Variants in TANGO6 observed in about 807,000 individuals in gnomAD.
TANGO6 encodes the protein transport and golgi organization 6 homolog, also known as transport and Golgi organization protein 6 homolog.
Under a neutral mutation model 114.2 loss-of-function variants are expected in TANGO6, and 90 were observed. The ratio of observed to expected loss-of-function variants is 0.79; its 90% CI spans 0.66 to 0.94. The LOEUF (loss-of-function observed/expected upper bound fraction) is 0.94, where lower values mean the gene tolerates loss of function less well. TANGO6 is among the 40% of genes least tolerant of loss of function. The pLI is 0.00. For missense variants in TANGO6, 1,274 were observed against 1,315.3 expected (o/e 0.97, Z 0.49); for synonymous variants, 477 against 509.8 (o/e 0.94, Z 0.87).
chr16:69,071,762 A>G (rs569154189), intron 17 of TANGO6, among the ~76,000 whole-genome samples: 41 of 152,366 alleles, frequency 2.7e-4, no homozygotes, highest in Non-Finnish European at 4.9e-4. Flanking sequence ...TTTTGATCTT[A>G]AAGATACAAC....
intron 4 of TANGO6, among the ~76,000 whole-genome samples, chr16:68,868,921 G>A (rs1391667717): frequency 6.6e-6 from 1 of 152,018 alleles, no homozygotes; most frequent in Admixed American, 6.6e-5. Flanking sequence ...ATTCCCCCAA[G>A]TACATTTTTA....
intron 5 of TANGO6, among the ~76,000 whole-genome samples, chr16:68,877,864 T>TC (rs1473986725): frequency 6.6e-6 from 1 of 152,132 alleles, no homozygotes; most frequent in Non-Finnish European, 1.5e-5. Flanking sequence ...CGCCTCGGCC[T>TC]CCCAAAGTGT....
rs969395110 is a variant in TANGO6, at chr16:68,880,686, A to T, written c.1377+56A>T. The T allele has an allele frequency of 2.2e-4, 305 of 1,381,114 alleles. 1 individual carries two copies. The highest frequency in any genetic ancestry group is 8.0e-4 in the Admixed American group (33 of 41,238). The allele number at this position is 1,381,114 out of a possible 1,614,324, so 85.6% of individuals were successfully genotyped here. On this transcript the variant is annotated intron_variant, in intron 7 of 17. Transcript: ENST00000261778. ...TTACTTCTTATTTAAAATTTTTTTTAAATTTTTTCTTTTTTTGTAGAGATG... is the reference window on the plus strand; with the variant it reads ...TTACTTCTTATTTAAAATTTTTTTTTAATTTTTTCTTTTTTTGTAGAGATG...
At position 68,978,205 on chromosome 16, in the gene TANGO6, G is replaced by A. The variant is rs148820949; in HGVS notation, c.2842+4037G>A. Among the ~76,000 whole-genome samples, 81 of 152,180 alleles carry A rather than the reference G, an allele frequency of 5.3e-4. 1 individual carries two copies. The East Asian group carries it at 0.014, about 26-fold the overall frequency. ...CATCAACGTAACATGTATTTTCTCT[G>A]GTAGACCGCTACCTTTGGGATGATA... On this transcript the variant is annotated intron_variant, in intron 15 of 17. Coordinates refer to ENST00000261778, the MANE Select transcript of TANGO6 (RefSeq NM_024562.2).
chr16:68,990,811 G>A (rs139338492), intron 15 of TANGO6, among the ~76,000 whole-genome samples: 130 of 152,286 alleles, frequency 8.5e-4, no homozygotes, highest in Non-Finnish European at 1.6e-3. Flanking sequence ...TGGATTTGGA[G>A]TTTATGTTGA....
chr16:68,991,792 T>G (rs1245362327), intron 15 of TANGO6, among the ~76,000 whole-genome samples: 2 of 152,046 alleles, frequency 1.3e-5, no homozygotes, highest in Non-Finnish European at 2.9e-5. Flanking sequence ...GCCACTGCAC[T>G]CCAGCCCGGG....
At chr16:68,890,892 G>T (rs1319054299) in intron 7 of TANGO6, among the ~76,000 whole-genome samples, 3 of 151,972 alleles carry the variant, frequency 2.0e-5, no homozygotes, top group Non-Finnish European at 4.4e-5. Context: ...GGATGTGGTG[G>T]TGGGTGCCTC....
At chr16:68,998,094 A>G (rs1338251172) in intron 15 of TANGO6, among the ~76,000 whole-genome samples, 1 of 152,232 alleles carries the variant, frequency 6.6e-6, no homozygotes, top group Admixed American at 6.5e-5. Context: ...CAATGACAAT[A>G]TATTCCACAG....
chr16:69,076,135 A>G (rs1399799915), intron 17 of TANGO6, among the ~76,000 whole-genome samples: 1 of 113,180 alleles, frequency 8.8e-6, no homozygotes, highest in Non-Finnish European at 1.6e-5. Flanking sequence ...TCTGTCTCCC[A>G]GGCTGGAATG....
chr16:69,048,698 T>A (rs1959900566), intron 17 of TANGO6, among the ~76,000 whole-genome samples: 1 of 152,280 alleles, frequency 6.6e-6, no homozygotes, highest in Non-Finnish European at 1.5e-5. Flanking sequence ...TGGAGATTAC[T>A]CTCCTACTTC....
At chr16:69,080,516 C>G (rs1960448073) in intron 17 of TANGO6, among the ~76,000 whole-genome samples, 1 of 152,132 alleles carries the variant, frequency 6.6e-6, no homozygotes. Context: ...CACTACTGTA[C>G]TTTAGCCTGG....
At chr16:69,046,063 C>CAAAAAA (rs61017260) in intron 17 of TANGO6, among the ~76,000 whole-genome samples, 8 of 95,892 alleles carry the variant, frequency 8.3e-5, no homozygotes, top group Admixed American at 1.2e-4. Context: ...GACTCCAACT[C>CAAAAAA]AAAAAAAAAA....
chr16:68,860,044 A>G lies in TANGO6; in HGVS notation c.255A>G (p.Gln85=), dbSNP rs1435309361. ...TTGCTGATAAGGCAGAATGGCCACA[A>G]AACTCTGTGGATGTCACTTGGAGTT... ...DEIADKAEWP[Q]NSVDVTWSFT... Residue 85 remains glutamine (Q), a synonymous_variant, in exon 2 of 18, where the codon CAA becomes CAG. Coordinates refer to ENST00000261778, the MANE Select transcript of TANGO6 (RefSeq NM_024562.2). The G allele has an allele frequency of 6.2e-7, 1 of 1,613,946 alleles. No homozygotes were observed. Among genetic ancestry groups the G allele is most frequent in the Non-Finnish European group, 8.5e-7 (1 of 1,179,890 alleles).
At chr16:69,050,582 C>G (rs143437154) in intron 17 of TANGO6, among the ~76,000 whole-genome samples, 11 of 151,746 alleles carry the variant, frequency 7.2e-5, no homozygotes, top group Non-Finnish European at 1.5e-4. Flanking sequence ...CTCCGCCTCC[C>G]GGGTTCAAGC....
intron 15 of TANGO6, among the ~76,000 whole-genome samples, chr16:68,981,090 G>T (rs1452880470): frequency 1.3e-5 from 2 of 151,674 alleles, no homozygotes; most frequent in African/African-American, 4.8e-5. Flanking sequence ...ATCTTAACAC[G>T]TTGTTAAATT....
chr16:68,852,605 G>A (rs1415670937), intron 1 of TANGO6, among the ~76,000 whole-genome samples: 1 of 131,154 alleles, frequency 7.6e-6, no homozygotes, highest in Non-Finnish European at 1.5e-5. Flanking sequence ...TGAGGCGGGA[G>A]GATTGCTTGA....
intron 12 of TANGO6, among the ~76,000 whole-genome samples, chr16:68,923,620 A>G (rs145552991): frequency 6.6e-6 from 1 of 152,286 alleles, no homozygotes; most frequent in African/African-American, 2.4e-5. Context: ...AAGAGCAGAC[A>G]ATCCTTCTTA....
intron 6 of TANGO6, among the ~76,000 whole-genome samples, 198 bp downstream of exon 6, chr16:68,878,478 A>ATCACCTAG (rs1962404854): frequency 6.6e-6 from 1 of 152,220 alleles, no homozygotes; most frequent in African/African-American, 2.4e-5. Context: ...ACCTAGACCG[A>ATCACCTAG]ATAACTTTAC....
Position 69,083,877 on chromosome 16 carries a change from G to A in TANGO6, c.*216G>A. On this transcript the variant is annotated 3_prime_UTR_variant, in exon 18 of 18. Coordinates refer to ENST00000261778, the MANE Select transcript of TANGO6 (RefSeq NM_024562.2). Reference sequence around the variant, plus strand: ...CAGCCTGAGGGGTGTACAGTTAAGAGAAGACAGTTACAGATCTCATTAATC... The same window carrying A: ...CAGCCTGAGGGGTGTACAGTTAAGAAAAGACAGTTACAGATCTCATTAATC... The A allele has an allele frequency of 2.0e-6, 1 of 500,428 alleles. No individual in the cohort carries two copies. The highest frequency in any genetic ancestry group is 3.6e-6 in the Non-Finnish European group (1 of 281,656). 31.0% of individuals were successfully genotyped at this position (500,428 alleles called of 1,614,324 possible).
Sources: gnomAD v4.1 joint callset for allele counts (sites outside exome capture counted in the v4.1 genomes callset) on GRCh38, gnomAD v4.1.1 for gene constraint, MANE v1.5 for transcripts, NCBI Gene and HGNC (gene_info 2026-07-23, HGNC 2026-07-21) for gene names.